THRB: variants seen among roughly 807,000 people sequenced by gnomAD.
THRB encodes the protein thyroid hormone receptor beta.
THRB carries 12 observed loss-of-function variants against 47.8 expected under a neutral mutation model. That is an observed-to-expected ratio of 0.25 (90% CI 0.16 to 0.41). The LOEUF is 0.41. THRB is among the 10% of genes least tolerant of loss of function. The probability of loss-of-function intolerance (pLI) is 1.00; values close to 1 mark genes in which losing one functional copy is unlikely to be tolerated. For missense variants in THRB, 348 were observed against 589.2 expected (o/e 0.59, Z 4.24); for synonymous variants, 218 against 212.2 (o/e 1.03, Z -0.24).
At chr3:24,129,020 G>T (rs1049347883) in intron 9 of THRB, among the ~76,000 whole-genome samples, 2 of 151,924 alleles carry the variant, frequency 1.3e-5, no homozygotes, top group Non-Finnish European at 2.9e-5. Context: ...TCCAATTTAG[G>T]TTATTATATA....
At chr3:24,148,602 AG>A (rs1303751139) in intron 6 of THRB, among the ~76,000 whole-genome samples, 1 of 152,198 alleles carries the variant, frequency 6.6e-6, no homozygotes, top group Non-Finnish European at 1.5e-5. Flanking sequence ...TAAGGCCTAA[AG>A]GGGTCCTCTA....
chr3:24,472,181 C>T (rs1694801331), intron 1 of THRB, among the ~76,000 whole-genome samples: 1 of 152,162 alleles, frequency 6.6e-6, no homozygotes, highest in South Asian at 2.1e-4. Flanking sequence ...ATTTATAGTC[C>T]AGTCTGTCCA....
At chr3:24,134,222 A>G (rs1057426113) in intron 8 of THRB, among the ~76,000 whole-genome samples, 5 of 152,112 alleles carry the variant, frequency 3.3e-5, no homozygotes, top group African/African-American at 1.2e-4. Flanking sequence ...GGTGGTACAG[A>G]ATCAGCATTT....
intron 1 of THRB, among the ~76,000 whole-genome samples, chr3:24,478,715 C>G (rs974326106): frequency 6.6e-6 from 1 of 152,016 alleles, no homozygotes; most frequent in Non-Finnish European, 1.5e-5. Context: ...CAGAATCAAC[C>G]GGAGAAAATG....
At chr3:24,190,732 A>G (rs962728564) in intron 4 of THRB, among the ~76,000 whole-genome samples, 3 of 152,052 alleles carry the variant, frequency 2.0e-5, no homozygotes, top group Non-Finnish European at 2.9e-5. Context: ...CTTAGGACAT[A>G]AAACACCCAG....
At chr3:24,488,645 A>G (rs1697674848) in intron 1 of THRB, among the ~76,000 whole-genome samples, 2 of 151,950 alleles carry the variant, frequency 1.3e-5, no homozygotes. Flanking sequence ...TTGTTCAGTA[A>G]TTTTCAAATA....
chr3:24,413,605 G>A (rs6786474), intron 1 of THRB, among the ~76,000 whole-genome samples: 94,092 of 151,074 alleles, frequency 0.62, 29,715 homozygotes, highest in Non-Finnish European at 0.66. Context: ...TCTAGGGTAC[G>A]TGTACACAAC....
At chr3:24,188,219 G>A (rs1316345083) in intron 5 of THRB, among the ~76,000 whole-genome samples, 2 of 152,090 alleles carry the variant, frequency 1.3e-5, no homozygotes, top group African/African-American at 2.4e-5. Flanking sequence ...GTATTTATAT[G>A]ACTTAATAAT....
chr3:24,172,189 A>G (rs535821673), intron 5 of THRB, among the ~76,000 whole-genome samples: 1 of 152,222 alleles, frequency 6.6e-6, no homozygotes, highest in African/African-American at 2.4e-5. Flanking sequence ...GCTCTGTTGG[A>G]TATATATGCT....
At chr3:24,278,247 TCTGG>T (rs2054143147) in intron 3 of THRB, among the ~76,000 whole-genome samples, 1 of 152,226 alleles carries the variant, frequency 6.6e-6, no homozygotes, top group African/African-American at 2.4e-5. Flanking sequence ...CATAATGATG[TCTGG>T]CTAATTTCCA....
intron 1 of THRB, among the ~76,000 whole-genome samples, chr3:24,342,277 A>T (rs965975536): frequency 5.3e-5 from 8 of 152,178 alleles, no homozygotes; most frequent in Admixed American, 2.6e-4. Flanking sequence ...TGGTTTAAGT[A>T]TTTAAACAGA....
At chr3:24,442,004 C>T (rs1484897291) in intron 1 of THRB, among the ~76,000 whole-genome samples, 1 of 152,136 alleles carries the variant, frequency 6.6e-6, no homozygotes, top group Non-Finnish European at 1.5e-5. Context: ...AATGAGGATT[C>T]TGAACAGATT....
chr3:24,319,449 G>A (rs1202667139), intron 2 of THRB, among the ~76,000 whole-genome samples: 1 of 152,180 alleles, frequency 6.6e-6, no homozygotes, highest in Non-Finnish European at 1.5e-5. Flanking sequence ...GTTATGTTGA[G>A]CAAAAAATGT....
chr3:24,189,044 G>A (rs2043006290), intron 5 of THRB, among the ~76,000 whole-genome samples: 1 of 151,582 alleles, frequency 6.6e-6, no homozygotes, highest in East Asian at 1.9e-4. Context: ...ATTCCCAGGA[G>A]CTTTCAAAGC....
chr3:24,238,299 G>T (rs974599166), intron 3 of THRB, among the ~76,000 whole-genome samples: 1 of 141,076 alleles, frequency 7.1e-6, no homozygotes, highest in African/African-American at 2.6e-5. Flanking sequence ...GGGGTGTGTG[G>T]GGTGTGTGTG....
At chr3:24,199,693 A>T (rs2044371938) in intron 4 of THRB, among the ~76,000 whole-genome samples, 1 of 152,234 alleles carries the variant, frequency 6.6e-6, no homozygotes. Context: ...TCTTTTGATA[A>T]ATGAAAACCA....
chr3:24,180,285 G>A (rs1046126763), intron 5 of THRB, among the ~76,000 whole-genome samples: 2 of 152,110 alleles, frequency 1.3e-5, no homozygotes, highest in African/African-American at 2.4e-5. Context: ...AGGCAACTAT[G>A]GGTGGTTGGG....
intron 3 of THRB, among the ~76,000 whole-genome samples, chr3:24,230,752 G>T (rs2048177777): frequency 6.6e-6 from 1 of 152,180 alleles, no homozygotes; most frequent in South Asian, 2.1e-4. Context: ...GGAGGAACTT[G>T]GCTTGGACTG....
intron 7 of THRB, chr3:24,144,007 A>T (rs2035783065): frequency 2.2e-6 from 1 of 446,746 alleles, no homozygotes; most frequent in Admixed American, 3.4e-5. Flanking sequence ...AAACAGAGTG[A>T]AGCAGAGAGG....
Sources: gnomAD v4.1 joint callset for allele counts (sites outside exome capture counted in the v4.1 genomes callset) on GRCh38, gnomAD v4.1.1 for gene constraint, MANE v1.5 for transcripts, NCBI Gene and HGNC (gene_info 2026-07-23, HGNC 2026-07-21) for gene names.